Variants in MSRB3 observed in about 807,000 individuals in gnomAD.
The protein encoded by MSRB3 is methionine-R-sulfoxide reductase B3.
Under a neutral mutation model 21.0 loss-of-function variants are expected in MSRB3, and 13 were observed. The observed-to-expected ratio is 0.62, with a 90% CI of 0.40 to 0.98. MSRB3 has a LOEUF of 0.98. Ranked by LOEUF, MSRB3 falls within the 50% of genes least tolerant of loss-of-function variation. The pLI is 0.00. For synonymous variants in MSRB3, 87 were observed against 88.6 expected, an observed-to-expected ratio of 0.98 and a Z score of 0.10; for missense variants, 199 against 230.3, an observed-to-expected ratio of 0.86 and a Z score of 0.88.
chr12:65,377,668 G>T (rs532955454), intron 5 of MSRB3, among the ~76,000 whole-genome samples: 5 of 152,268 alleles, frequency 3.3e-5, no homozygotes, highest in South Asian at 4.2e-4. Context: ...GGAAATTTTT[G>T]TTCTTTAATA....
chr12:65,344,351 TA>T (rs1876344632), intron 4 of MSRB3: 1 of 151,976 alleles, frequency 6.6e-6, no homozygotes, highest in Non-Finnish European at 1.5e-5. Flanking sequence ...TGATAACTGG[TA>T]ATAATTTGCT....
At chr12:65,338,405 T>C (rs1431792989) in intron 4 of MSRB3, among the ~76,000 whole-genome samples, 1 of 152,216 alleles carries the variant, frequency 6.6e-6, no homozygotes, top group Non-Finnish European at 1.5e-5. Context: ...TTATTATCTT[T>C]GTTTTTAATA....
chr12:65,372,827 T>C (rs1366531231), intron 5 of MSRB3, among the ~76,000 whole-genome samples: 2 of 152,156 alleles, frequency 1.3e-5, no homozygotes, highest in African/African-American at 2.4e-5. Flanking sequence ...ACCAATTAAA[T>C]AAAAGAACTT....
intron 4 of MSRB3, among the ~76,000 whole-genome samples, chr12:65,347,899 G>A (rs928542995): frequency 3.3e-5 from 5 of 152,076 alleles, no homozygotes; most frequent in African/African-American, 7.2e-5. Flanking sequence ...ACTGATTTGC[G>A]TATGTTGAAC....
chr12:65,376,615 G>C (rs1001364965), intron 5 of MSRB3, among the ~76,000 whole-genome samples: 3 of 151,962 alleles, frequency 2.0e-5, no homozygotes, highest in Admixed American at 2.0e-4. Flanking sequence ...TCACTCATAA[G>C]TGGGAGGTGA....
At chr12:65,351,733 G>A (rs1433449909) in intron 4 of MSRB3, among the ~76,000 whole-genome samples, 5 of 150,470 alleles carry the variant, frequency 3.3e-5, no homozygotes, top group Admixed American at 1.3e-4. Flanking sequence ...TAAATTCCTC[G>A]ACACATACAC....
At chr12:65,280,485 G>A (rs1185224338) in intron 1 of MSRB3, among the ~76,000 whole-genome samples, 1 of 152,112 alleles carries the variant, frequency 6.6e-6, no homozygotes, top group African/African-American at 2.4e-5. Flanking sequence ...GTGGTGAAAC[G>A]GCCTTCGAAG....
chr12:65,419,537 C>T, intron 5 of MSRB3: 1 of 741,546 alleles, frequency 1.3e-6, no homozygotes, highest in Admixed American at 1.7e-5. Flanking sequence ...CTAAAGGCAT[C>T]AGCAGCAAGA....
At chr12:65,409,930 T>C (rs549793362) in intron 5 of MSRB3, among the ~76,000 whole-genome samples, 1 of 152,284 alleles carries the variant, frequency 6.6e-6, no homozygotes, top group South Asian at 2.1e-4. Flanking sequence ...GCCAAATTCT[T>C]TTCCAGAAAA....
chr12:65,360,125 A>T (rs142134984), intron 4 of MSRB3, among the ~76,000 whole-genome samples: 31 of 152,224 alleles, frequency 2.0e-4, no homozygotes, highest in African/African-American at 7.0e-4. Context: ...CACTAGTCAC[A>T]TTGGATTAGG....
chr12:65,324,180 G>A (rs1309342175), intron 2 of MSRB3, among the ~76,000 whole-genome samples: 1 of 152,112 alleles, frequency 6.6e-6, no homozygotes, highest in Non-Finnish European at 1.5e-5. Context: ...TGCTAATTTG[G>A]AAGATGACCT....
At chr12:65,347,086 A>G (rs971465631) in intron 4 of MSRB3, among the ~76,000 whole-genome samples, 10 of 152,176 alleles carry the variant, frequency 6.6e-5, no homozygotes, top group African/African-American at 2.4e-4. Flanking sequence ...TTGGTTCCAT[A>G]TGAACTTTAA....
intron 4 of MSRB3, among the ~76,000 whole-genome samples, chr12:65,351,000 A>G (rs1343879881): frequency 1.3e-5 from 2 of 151,094 alleles, no homozygotes; most frequent in African/African-American, 4.9e-5. Flanking sequence ...CCAAATCAAC[A>G]GAATATACAT....
intron 1 of MSRB3, chr12:65,283,960 A>C (rs1027867569): frequency 1.3e-4 from 20 of 152,182 alleles, no homozygotes; most frequent in African/African-American, 4.8e-4. Context: ...AAATGATAGG[A>C]TGCTTTCCTG....
chr12:65,306,858 T>TGCAGAGTG (rs1183012168), intron 1 of MSRB3: 1 of 985,756 alleles, frequency 1.0e-6, no homozygotes, highest in Non-Finnish European at 1.2e-6. Context: ...TTCCCTGACC[T>TGCAGAGTG]GCAGAGTGAC....
intron 1 of MSRB3, among the ~76,000 whole-genome samples, chr12:65,295,704 G>A (rs898316965): frequency 6.6e-6 from 1 of 151,928 alleles, no homozygotes; most frequent in Non-Finnish European, 1.5e-5. Flanking sequence ...AGCATAATTG[G>A]GAGGCTGTAA....
chr12:65,352,147 G>C (rs529942508), intron 4 of MSRB3, among the ~76,000 whole-genome samples: 48 of 152,242 alleles, frequency 3.2e-4, no homozygotes, highest in African/African-American at 1.0e-3. Context: ...TGAGATGCAA[G>C]GCTGGTTCAA....
chr12:65,436,993 C>T (rs565662467), intron 5 of MSRB3, among the ~76,000 whole-genome samples: 28 of 151,840 alleles, frequency 1.8e-4, no homozygotes, highest in African/African-American at 2.9e-4. Flanking sequence ...ACAATATATA[C>T]GACAATAAAT....
chr12:65,346,155 G>A (rs914687917), intron 4 of MSRB3, among the ~76,000 whole-genome samples: 135 of 152,168 alleles, frequency 8.9e-4, no homozygotes, highest in African/African-American at 2.5e-3. Flanking sequence ...CTGAGGAATC[G>A]CCACACTGAC....
Sources: gnomAD v4.1 joint callset for allele counts (sites outside exome capture counted in the v4.1 genomes callset) on GRCh38, gnomAD v4.1.1 for gene constraint, MANE v1.5 for transcripts, NCBI Gene and HGNC (gene_info 2026-07-23, HGNC 2026-07-21) for gene names.